Variants in ULK4 observed in about 807,000 individuals in gnomAD.
ULK4 encodes inactive serine/threonine-protein kinase ULK4.
In ULK4, 133 loss-of-function variants were observed where a neutral mutation model predicts 160.6. The observed-to-expected ratio is 0.83, with a 90% confidence interval of 0.72 to 0.96. The LOEUF is 0.96. Among genes scored for constraint, ULK4 ranks in the 40% least tolerant of loss-of-function variants. ULK4 has a pLI of 0.00. For synonymous variants in ULK4, 534 were observed against 539.8 expected (o/e 0.99, Z 0.15); for missense variants, 1,580 against 1,499.5 (o/e 1.05, Z -0.89).
intron 32 of ULK4, among the ~76,000 whole-genome samples, chr3:41,564,175 T>C (rs916045150): frequency 3.9e-5 from 6 of 152,192 alleles, no homozygotes; most frequent in African/African-American, 1.4e-4. Flanking sequence ...CCTGTTTGCC[T>C]GGGTATCACC....
chr3:41,358,379 A>G (rs1443234271), intron 35 of ULK4, among the ~76,000 whole-genome samples: 1 of 152,210 alleles, frequency 6.6e-6, no homozygotes, highest in Non-Finnish European at 1.5e-5. Context: ...TAAACAAGCA[A>G]ATAGGCAAAA....
intron 34 of ULK4, among the ~76,000 whole-genome samples, chr3:41,399,263 G>C (rs1201222857): frequency 6.6e-6 from 1 of 152,148 alleles, no homozygotes; most frequent in Admixed American, 6.5e-5. Flanking sequence ...ATGATGTGGA[G>C]TACCTTTTCA....
chr3:41,737,402 G>C (rs1173726859), intron 22 of ULK4, among the ~76,000 whole-genome samples: 1 of 151,838 alleles, frequency 6.6e-6, no homozygotes, highest in African/African-American at 2.4e-5. Flanking sequence ...ATGCTCATGG[G>C]TAGGAAGAAT....
At chr3:41,302,970 A>C (rs2079829037) in intron 35 of ULK4, among the ~76,000 whole-genome samples, 1 of 152,220 alleles carries the variant, frequency 6.6e-6, no homozygotes, top group Non-Finnish European at 1.5e-5. Flanking sequence ...TAAAATATAG[A>C]ATATACTAAA....
At chr3:41,775,119 C>T (rs2039556924) in intron 21 of ULK4, among the ~76,000 whole-genome samples, 1 of 149,100 alleles carries the variant, frequency 6.7e-6, no homozygotes, top group Non-Finnish European at 1.5e-5. Flanking sequence ...ATACCTAATG[C>T]TAAATGACCA....
intron 31 of ULK4, among the ~76,000 whole-genome samples, chr3:41,590,158 AC>A (rs2031175399): frequency 6.6e-6 from 1 of 151,580 alleles, no homozygotes; most frequent in Non-Finnish European, 1.5e-5. Flanking sequence ...GCCTGCCACC[AC>A]GCCCAGCTAA....
At chr3:41,810,554 C>T (rs1451514270) in intron 19 of ULK4, among the ~76,000 whole-genome samples, 2 of 152,184 alleles carry the variant, frequency 1.3e-5, no homozygotes, top group Admixed American at 1.3e-4. Flanking sequence ...GTGGCTCACA[C>T]CTGTAATCCC....
intron 27 of ULK4, among the ~76,000 whole-genome samples, chr3:41,685,817 C>T (rs2036083923): frequency 6.6e-6 from 1 of 152,106 alleles, no homozygotes; most frequent in African/African-American, 2.4e-5. Context: ...TATGCCCGGG[C>T]ATAAGCTCCA....
intron 30 of ULK4, among the ~76,000 whole-genome samples, chr3:41,640,743 T>C (rs549457588): frequency 6.6e-6 from 1 of 152,344 alleles, no homozygotes; most frequent in South Asian, 2.1e-4. Context: ...GGAAGAGACA[T>C]ACTTTAAGCA....
intron 20 of ULK4, among the ~76,000 whole-genome samples, chr3:41,797,223 C>T (rs1013942931): frequency 2.0e-5 from 3 of 151,424 alleles, no homozygotes; most frequent in Admixed American, 6.6e-5. Flanking sequence ...TAAAGGGTTA[C>T]GAAAAGCAAA....
intron 21 of ULK4, among the ~76,000 whole-genome samples, chr3:41,781,368 G>T (rs1231450280): frequency 1.3e-5 from 2 of 148,206 alleles, no homozygotes; most frequent in Non-Finnish European, 3.0e-5. Context: ...AGTGAGCCAA[G>T]ATCGCGCCAC....
At chr3:41,908,049 TTC>T in intron 11 of ULK4, 108 bp from the exon 12 acceptor site, 3 of 544,570 alleles carry the variant, frequency 5.5e-6, no homozygotes, top group Non-Finnish European at 8.6e-6. Flanking sequence ...AGTATGATGA[TTC>T]CATATACTGT....
intron 35 of ULK4, among the ~76,000 whole-genome samples, chr3:41,266,504 T>TG (rs1559495256): frequency 6.6e-6 from 1 of 152,070 alleles, no homozygotes; most frequent in Admixed American, 6.5e-5. Context: ...CCAGTCCAGG[T>TG]GAGCTACCAC....
intron 17 of ULK4, among the ~76,000 whole-genome samples, chr3:41,882,450 T>C (rs1230753579): frequency 1.3e-5 from 2 of 152,208 alleles, no homozygotes; most frequent in African/African-American, 2.4e-5. Context: ...TCAATAGCCA[T>C]AGTGGCTGGT....
chr3:41,305,468 A>G (rs1338453861), intron 35 of ULK4, among the ~76,000 whole-genome samples: 5 of 152,250 alleles, frequency 3.3e-5, no homozygotes, highest in African/African-American at 1.2e-4. Flanking sequence ...GTGATCCGCC[A>G]GCCTCGGCCT....
chr3:41,882,385 G>A (rs1325932183), intron 17 of ULK4: 1 of 662,796 alleles, frequency 1.5e-6, no homozygotes, highest in Non-Finnish European at 2.7e-6. Context: ...GGTGGTCGTA[G>A]TATTCTTTTC....
At position 41,307,381 on chromosome 3, in the gene ULK4, C is replaced by G. The variant is rs139894413; in HGVS notation, c.3679-57807G>C. ...CCTTAGTGAAGGTAGGTGCTTTTTT[C>G]TTTTAAACTAAGTATGTTAATATTT... On this transcript the variant is annotated intron_variant, in intron 35 of 36. Transcript: ENST00000301831. Among the ~76,000 whole-genome samples, 1,519 of 152,096 alleles carry G rather than the reference C, an allele frequency of 1.0e-2. 17 individuals carry two copies. The highest frequency in any genetic ancestry group is 0.035 in the African/African-American group (1,432 of 41,486).
At chr3:41,408,821 G>C (rs1321253279) in intron 34 of ULK4, among the ~76,000 whole-genome samples, 1 of 152,028 alleles carries the variant, frequency 6.6e-6, no homozygotes, top group Non-Finnish European at 1.5e-5. Flanking sequence ...TATATCAATT[G>C]GTTTTAACAA....
chr3:41,643,657 A>G (rs1269992699), intron 30 of ULK4, among the ~76,000 whole-genome samples: 4 of 152,012 alleles, frequency 2.6e-5, no homozygotes, highest in Admixed American at 2.6e-4. Context: ...TTGGCTTAGG[A>G]TTGACTCGGT....
Sources: allele counts gnomAD v4.1 joint callset (sites outside exome capture counted in the v4.1 genomes callset), GRCh38; gene constraint gnomAD v4.1.1; transcripts MANE v1.5; gene names NCBI Gene and HGNC (gene_info 2026-07-23, HGNC 2026-07-21).